The following NR3C2 variants were observed in gnomAD, a reference collection of about 807,000 sequenced individuals.
NR3C2 encodes nuclear receptor subfamily 3 group C member 2.
In NR3C2, 15 loss-of-function variants were observed where a neutral mutation model predicts 86.4. The observed-to-expected ratio is 0.17, with a 90% CI of 0.12 to 0.27. The LOEUF (loss-of-function observed/expected upper bound fraction) is 0.27, where lower values mean the gene tolerates loss of function less well. Among genes scored for constraint, NR3C2 ranks in the 10% least tolerant of loss-of-function variants. The pLI is 1.00. For missense variants in NR3C2, 960 were observed against 1,195.6 expected, an observed-to-expected ratio of 0.80 and a Z score of 2.91; for synonymous variants, 458 against 450.5, an observed-to-expected ratio of 1.02 and a Z score of -0.21.
chr4:148,403,047 T>C (rs1221743007), intron 2 of NR3C2, among the ~76,000 whole-genome samples: 3 of 152,034 alleles, frequency 2.0e-5, no homozygotes, highest in Admixed American at 6.5e-5. Flanking sequence ...TATATACATA[T>C]ACACATTCAT....
rs544642113 is a variant in NR3C2 at position 148,393,140 on chromosome 4, T to C, written c.1757+41964A>G. 3.3e-5 allele frequency among the ~76,000 whole-genome samples: 5 copies of C among 152,354 alleles called. No homozygotes were observed. In the South Asian group the frequency reaches 1.0e-3, roughly 32 times the overall value. On this transcript the variant is annotated intron_variant, in intron 2 of 8. Coordinates refer to ENST00000358102, the MANE Select transcript of NR3C2 (RefSeq NM_000901.5). ...CCAGCAATTCACAAATTAATTTCCT[T>C]ATCTTTGTTTCATCACATGCTTTCC...
intron 2 of NR3C2, among the ~76,000 whole-genome samples, chr4:148,374,728 C>T (rs1415505821): frequency 6.6e-6 from 1 of 152,122 alleles, no homozygotes; most frequent in Non-Finnish European, 1.5e-5. Context: ...GAAAATCCCC[C>T]TAAAATTAAA....
Position 148,363,504 on chromosome 4 carries a change from C to CTTT in NR3C2, c.1757+71599_1757+71600insAAA, listed in dbSNP as rs1375693723. Among the ~76,000 whole-genome samples, 280 of 69,896 alleles carry CTTT rather than the reference C, an allele frequency of 4.0e-3. 44 individuals carry two copies. Among genetic ancestry groups the CTTT allele is most frequent in the Non-Finnish European group, 5.1e-3 (203 of 39,548 alleles). The allele number at this position is 69,896 out of a possible 152,430, so 45.9% of individuals were successfully genotyped here. A position where few individuals can be genotyped will look rare whatever the true frequency, so the allele number is the denominator to read the frequency against. ...ATTAAAGTCTAGACTTCTCATAGAT[C>CTTT]TCTTTTTTTTTTTTTTTGAGACGGA... On this transcript the variant is annotated intron_variant, in intron 2 of 8. Transcript: ENST00000358102.
upstream of NR3C2, among the ~76,000 whole-genome samples, chr4:148,443,353 A>G (rs1255381679): frequency 6.9e-6 from 1 of 144,286 alleles, no homozygotes; most frequent in Non-Finnish European, 1.5e-5. Context: ...TTAGTATTGG[A>G]TTTTTCCACT....
chr4:148,089,528 C>A (rs957483313), intron 8 of NR3C2, among the ~76,000 whole-genome samples: 3 of 152,210 alleles, frequency 2.0e-5, no homozygotes, highest in African/African-American at 7.2e-5. Context: ...TCTGTCCTTC[C>A]CAAACTTCTT....
At chr4:148,229,610 T>A (rs1738359832) in intron 3 of NR3C2, among the ~76,000 whole-genome samples, 1 of 152,088 alleles carries the variant, frequency 6.6e-6, no homozygotes, top group Non-Finnish European at 1.5e-5. Context: ...GTACTGACAT[T>A]CTCAGCCCAT....
intron 2 of NR3C2, among the ~76,000 whole-genome samples, chr4:148,323,015 T>C (rs1174171840): frequency 6.7e-6 from 1 of 150,136 alleles, no homozygotes; most frequent in Non-Finnish European, 1.5e-5. Context: ...TGGTTTTATC[T>C]ACTTTTGGTC....
intron 2 of NR3C2, among the ~76,000 whole-genome samples, chr4:148,273,090 G>T (rs563939474): frequency 6.6e-6 from 1 of 152,300 alleles, no homozygotes; most frequent in South Asian, 2.1e-4. Flanking sequence ...ACAAAGATAT[G>T]AGTGAGCCTG....
intron 7 of NR3C2, among the ~76,000 whole-genome samples, chr4:148,114,819 CA>C (rs1280462829): frequency 6.6e-6 from 1 of 152,168 alleles, no homozygotes; most frequent in Non-Finnish European, 1.5e-5. Context: ...TCCTCATTCT[CA>C]AGTTCAGATA....
chr4:148,232,989 T>C (rs1328649762), intron 3 of NR3C2, among the ~76,000 whole-genome samples: 3 of 152,210 alleles, frequency 2.0e-5, no homozygotes, highest in African/African-American at 7.2e-5. Flanking sequence ...TGGATTAGCT[T>C]TGGCTTAAGA....
intron 2 of NR3C2, among the ~76,000 whole-genome samples, chr4:148,387,584 A>C (rs1208724294): frequency 1.3e-5 from 2 of 152,214 alleles, no homozygotes; most frequent in African/African-American, 4.8e-5. Flanking sequence ...CACTGACTGA[A>C]TGCTAACTTC....
chr4:148,410,925 G>A (rs1381805869), intron 2 of NR3C2, among the ~76,000 whole-genome samples: 1 of 152,146 alleles, frequency 6.6e-6, no homozygotes, highest in Non-Finnish European at 1.5e-5. Flanking sequence ...AACACGTATA[G>A]TCACCAAAGA....
chr4:148,193,241 A>C (rs1289084409), intron 4 of NR3C2, among the ~76,000 whole-genome samples: 9 of 152,120 alleles, frequency 5.9e-5, no homozygotes. Flanking sequence ...CCACAAACAG[A>C]CCTTCAGCTT....
chr4:148,442,567 C>T (rs1323045475), upstream of NR3C2: 6 of 824,166 alleles, frequency 7.3e-6, no homozygotes, highest in Non-Finnish European at 8.8e-6. Flanking sequence ...CTATCCCGCC[C>T]CCCTGAACCC....
intron 2 of NR3C2, among the ~76,000 whole-genome samples, chr4:148,318,324 C>T (rs185347267): frequency 4.5e-4 from 68 of 151,796 alleles, no homozygotes; most frequent in Non-Finnish European, 8.1e-4. Context: ...TGAATAATGC[C>T]GCAATAAACA....
intron 3 of NR3C2, among the ~76,000 whole-genome samples, chr4:148,236,276 C>CT (rs775700959): frequency 1.5e-3 from 222 of 152,304 alleles, no homozygotes; most frequent in Non-Finnish European, 2.3e-3. Flanking sequence ...CTAACAATGG[C>CT]TTCTGGTATG....
chr4:148,110,922 C>G (rs1363759200), intron 8 of NR3C2, among the ~76,000 whole-genome samples: 1 of 152,206 alleles, frequency 6.6e-6, no homozygotes, highest in Admixed American at 6.5e-5. Context: ...CTCCATGACA[C>G]TGGCTTACAC....
At chr4:148,430,954 T>A (rs1343505102) in intron 2 of NR3C2, among the ~76,000 whole-genome samples, 1 of 152,198 alleles carries the variant, frequency 6.6e-6, no homozygotes, top group Non-Finnish European at 1.5e-5. Flanking sequence ...ATTACTGTTC[T>A]TGTAACCTAC....
intron 4 of NR3C2, among the ~76,000 whole-genome samples, chr4:148,161,587 C>T (rs959300028): frequency 9.2e-5 from 14 of 152,230 alleles, no homozygotes; most frequent in African/African-American, 2.9e-4. Context: ...AACTCCTTAC[C>T]TCAGGTAATC....
Sources: allele counts gnomAD v4.1 joint callset (sites outside exome capture counted in the v4.1 genomes callset), GRCh38; gene constraint gnomAD v4.1.1; transcripts MANE v1.5; gene names NCBI Gene and HGNC (gene_info 2026-07-23, HGNC 2026-07-21).